G3BP2: variants seen among roughly 807,000 people sequenced by gnomAD.
G3BP2 encodes ras GTPase-activating protein-binding protein 2.
In G3BP2, 11 loss-of-function variants were observed where a neutral mutation model predicts 56.7. The ratio of observed to expected loss-of-function variants is 0.19; its 90% CI spans 0.12 to 0.32. The LOEUF is 0.32. Ranked by LOEUF, G3BP2 falls within the 10% of genes least tolerant of loss-of-function variation. The probability of loss-of-function intolerance (pLI) is 1.00; values close to 1 mark genes in which losing one functional copy is unlikely to be tolerated. For synonymous variants in G3BP2, 165 were observed against 191.6 expected, an observed-to-expected ratio of 0.86 and a Z score of 1.15; for missense variants, 340 against 610.9, an observed-to-expected ratio of 0.56 and a Z score of 4.67.
intron 3 of G3BP2, among the ~76,000 whole-genome samples, chr4:75,698,773 G>C (rs62318489): frequency 0.022 from 3,285 of 152,150 alleles, 51 homozygotes; most frequent in Non-Finnish European, 0.033. Context: ...ACATGATCAC[G>C]GCTCACTGAA....
chr4:75,705,788 G>T (rs1037545598), intron 3 of G3BP2, among the ~76,000 whole-genome samples: 26 of 152,200 alleles, frequency 1.7e-4, no homozygotes, highest in African/African-American at 6.3e-4. Context: ...AGTGGGCTAT[G>T]AAGAAAGAAC....
rs894485370 is a variant in G3BP2, at chr4:75,666,384, T to C, written c.-24-4335A>G. On this transcript the variant is annotated intron_variant, in intron 1 of 11. Transcript: ENST00000359707. ...CTAAACAGGCATATAACAGGTTATATAGAAAGCTGAGCTTTTAAGGTGCAG... is the reference window on the plus strand; with the variant it reads ...CTAAACAGGCATATAACAGGTTATACAGAAAGCTGAGCTTTTAAGGTGCAG... 3.3e-5 allele frequency among the ~76,000 whole-genome samples: 5 copies of C among 152,238 alleles called. 1 individual carries two copies. The highest frequency in any genetic ancestry group is 2.0e-4 in the Admixed American group (3 of 15,286).
intron 1 of G3BP2, among the ~76,000 whole-genome samples, chr4:75,664,064 A>T (rs958327602): frequency 6.6e-6 from 1 of 151,022 alleles, no homozygotes; most frequent in African/African-American, 2.4e-5. Flanking sequence ...TTGTATTATT[A>T]GTAGAGACGG....
At chr4:75,692,639 T>C (rs1271638228) in intron 3 of G3BP2, among the ~76,000 whole-genome samples, 2 of 152,180 alleles carry the variant, frequency 1.3e-5, no homozygotes, top group Non-Finnish European at 1.5e-5. Flanking sequence ...GGTTTTCCCT[T>C]TTCATGCTGT....
intron 2 of G3BP2, among the ~76,000 whole-genome samples, chr4:75,660,408 G>A (rs1030209821): frequency 1.3e-5 from 2 of 152,100 alleles, no homozygotes; most frequent in Non-Finnish European, 2.9e-5. Flanking sequence ...TAATAGAATG[G>A]TTGGGGACAC....
intron 3 of G3BP2, among the ~76,000 whole-genome samples, chr4:75,706,860 T>G (rs940072680): frequency 6.6e-6 from 1 of 152,082 alleles, no homozygotes; most frequent in Non-Finnish European, 1.5e-5. Context: ...AGGACTATTA[T>G]GCATAGCAAG....
At chr4:75,688,552 A>G (rs1336940438) in intron 3 of G3BP2, among the ~76,000 whole-genome samples, 1 of 152,158 alleles carries the variant, frequency 6.6e-6, no homozygotes, top group Non-Finnish European at 1.5e-5. Context: ...AGCAACTGAG[A>G]CTTATTTTGG....
Position 75,645,561 on chromosome 4 carries a change from T to A in G3BP2, c.1318A>T (p.Ile440Phe), listed in dbSNP as rs1474957884. The change falls in exon 12 of 12, where the codon ATT becomes TTT. Residue 440 changes from isoleucine (I) to phenylalanine (F), a missense_variant. Around this residue, in one of 4 missense-constraint regions of G3BP2, gnomAD observed 94 missense variants for 173.8 expected, o/e 0.54. Transcript: ENST00000359707. ...TCACGCATCATTCCACCACCCACAA[T>A]TCCACGTGGACCACCGGGACCTCGA... ...NDRGPGGPRG[I>F]VGGGMMRDRD... 1 of 1,613,968 alleles carries A rather than the reference T, an allele frequency of 6.2e-7. No homozygotes were observed. Among genetic ancestry groups the A allele is most frequent in the East Asian group, 2.2e-5 (1 of 44,870 alleles).
At position 75,657,649 on chromosome 4, in the gene G3BP2, T is replaced by C. The variant is rs1397108294; in HGVS notation, c.259A>G (p.Ser87Gly). ...IRHVDAHATL[S>G]DGVVVQVMGL... Reference sequence around the variant, plus strand: ...ATGACCTGGACAACTACTCCATCACTCAAGGTTGCATGAGCATCCACATGA... The same window carrying C: ...ATGACCTGGACAACTACTCCATCACCCAAGGTTGCATGAGCATCCACATGA... Residue 87 changes from serine (S) to glycine (G), a missense_variant, in exon 4 of 12, where the codon AGT (serine) becomes GGT (glycine). Coordinates refer to ENST00000359707, the MANE Select transcript of G3BP2 (RefSeq NM_203505.3). 1.2e-6 allele frequency: 2 copies of C among 1,612,376 alleles called. No homozygotes were observed. The highest frequency in any genetic ancestry group is 1.3e-5 in the African/African-American group (1 of 74,894).
intron 3 of G3BP2, chr4:75,695,018 A>C: frequency 3.3e-4 from 253 of 757,158 alleles, no homozygotes; most frequent in Non-Finnish European, 3.9e-4. Flanking sequence ...CCTGTGGCTC[A>C]AGAGCCAGTA....
At chr4:75,647,278 G>A (rs1731305907) in intron 9 of G3BP2, 121 bp from the exon 10 acceptor site, 1 of 628,132 alleles carries the variant, frequency 1.6e-6, no homozygotes, top group Non-Finnish European at 2.6e-6. Context: ...GACTAGGTGA[G>A]CTTCTTGAAA....
chr4:75,672,294 A>C (rs1231692278), intron 1 of G3BP2, among the ~76,000 whole-genome samples: 4 of 152,200 alleles, frequency 2.6e-5, no homozygotes, highest in African/African-American at 9.7e-5. Context: ...ATTCGCCCCA[A>C]AGCGGCAAAG....
chr4:75,695,346 T>C (rs1030403655), intron 3 of G3BP2, among the ~76,000 whole-genome samples: 1 of 152,138 alleles, frequency 6.6e-6, no homozygotes, highest in Non-Finnish European at 1.5e-5. Flanking sequence ...GTTGCTGCCA[T>C]GATTGTCTCC....
intron 8 of G3BP2, among the ~76,000 whole-genome samples, chr4:75,649,383 TCTTC>T (rs377170780): frequency 1.7e-4 from 26 of 152,344 alleles, no homozygotes; most frequent in African/African-American, 6.0e-4. Flanking sequence ...TCCCTACTGT[TCTTC>T]CTTATGAGAA....
intron 3 of G3BP2, among the ~76,000 whole-genome samples, chr4:75,720,840 T>TAAATAAAA (rs1437096552): frequency 1.2e-3 from 161 of 135,646 alleles, no homozygotes; most frequent in East Asian, 4.1e-3. Context: ...AATAAATAAA[T>TAAATAAAA]AAAAATATTT....
chr4:75,664,264 G>A (rs1216517135), intron 1 of G3BP2, among the ~76,000 whole-genome samples: 1 of 150,804 alleles, frequency 6.6e-6, no homozygotes, highest in African/African-American at 2.4e-5. Context: ...TATCTACTGG[G>A]TAAATCAGGA....
chr4:75,684,134 G>A (rs1203677258), intron 3 of G3BP2, among the ~76,000 whole-genome samples: 1 of 152,192 alleles, frequency 6.6e-6, no homozygotes, highest in Non-Finnish European at 1.5e-5. Flanking sequence ...GGCCGGGTGC[G>A]GTGGCTCATG....
chr4:75,716,598 C>A (rs1719937352), intron 3 of G3BP2, among the ~76,000 whole-genome samples: 1 of 152,206 alleles, frequency 6.6e-6, no homozygotes, highest in Non-Finnish European at 1.5e-5. Context: ...TCACCGCAAC[C>A]TCCGCCTCCC....
intron 3 of G3BP2, among the ~76,000 whole-genome samples, chr4:75,714,397 C>T (rs897303739): frequency 1.3e-5 from 2 of 152,128 alleles, no homozygotes; most frequent in African/African-American, 4.8e-5. Context: ...AAGGCCGGGG[C>T]GGGCAGATCA....
Sources: allele counts gnomAD v4.1 joint callset (sites outside exome capture counted in the v4.1 genomes callset), GRCh38; gene constraint gnomAD v4.1.1; regional missense constraint gnomAD v4.1.1; transcripts MANE v1.5; gene names NCBI Gene and HGNC (gene_info 2026-07-23, HGNC 2026-07-21).